SRGAP2B: variants seen among roughly 807,000 people sequenced by gnomAD.
The protein encoded by SRGAP2B is SLIT-ROBO Rho GTPase-activating protein 2B.
Under a neutral mutation model 22.2 loss-of-function variants are expected in SRGAP2B, and 9 were observed. The observed-to-expected ratio is 0.41, with a 90% CI of 0.24 to 0.71. SRGAP2B has a LOEUF of 0.71. SRGAP2B is among the 30% of genes least tolerant of loss of function. SRGAP2B has a pLI of 0.35. For missense variants in SRGAP2B, 114 were observed against 235.8 expected, an observed-to-expected ratio of 0.48 and a Z score of 3.38; for synonymous variants, 36 against 87.4, an observed-to-expected ratio of 0.41 and a Z score of 3.28.
rs1227178447 is a variant in SRGAP2B, at chr1:145,021,912, G to C, written c.68-26712C>G. Among the ~76,000 whole-genome samples the C allele has an allele frequency of 4.2e-5, 6 of 142,556 alleles. No homozygotes were observed. The East Asian group carries it at 1.2e-3, about 30-fold the overall frequency. 93.5% of individuals were successfully genotyped at this position (142,556 alleles called of 152,430 possible). A position where few individuals can be genotyped will look rare whatever the true frequency, so the allele number is the denominator to read the frequency against. On this transcript the variant is annotated intron_variant, in intron 2 of 9. Coordinates refer to ENST00000612199, the Ensembl canonical transcript of SRGAP2B. ...CAATCCTGGAACTTCAACAGGACTA[G>C]GCAGCAAATACTCAGCTGCTGTGCA...
At chr1:144,942,670 T>C in intron 4 of SRGAP2B, among the ~76,000 whole-genome samples, 1 of 151,030 alleles carries the variant, frequency 6.6e-6, no homozygotes, top group Non-Finnish European at 1.5e-5. Flanking sequence ...TCCACCTGCC[T>C]CCACCTCCCA....
At chr1:144,987,921 G>A (rs1221406134) in intron 3 of SRGAP2B, among the ~76,000 whole-genome samples, 3 of 151,020 alleles carry the variant, frequency 2.0e-5, no homozygotes, top group Non-Finnish European at 4.4e-5. Flanking sequence ...GATAAGGGCA[G>A]AACTCATCAG....
At chr1:144,969,058 G>GCCATA (rs1668299475) in intron 3 of SRGAP2B, among the ~76,000 whole-genome samples, 1 of 15,452 alleles carries the variant, frequency 6.5e-5, no homozygotes, top group African/African-American at 3.2e-4. Flanking sequence ...CGTGAAAATG[G>GCCATA]CCATACTGCC....
chr1:145,058,687 G>A (rs6677733), intron 2 of SRGAP2B, among the ~76,000 whole-genome samples: 1 of 84,054 alleles, frequency 1.2e-5, no homozygotes, highest in African/African-American at 5.1e-5. Flanking sequence ...GCAATGGTGC[G>A]ATCTCAGCTC....
At chr1:145,081,092 T>C (rs1212663470) in intron 2 of SRGAP2B, among the ~76,000 whole-genome samples, 1 of 149,436 alleles carries the variant, frequency 6.7e-6, no homozygotes, top group Non-Finnish European at 1.5e-5. Flanking sequence ...TCAACTGAAT[T>C]CTTTCATTTC....
chr1:144,944,586 CAAAAAAAAAAAAA>C, intron 4 of SRGAP2B, among the ~76,000 whole-genome samples: 1 of 17,922 alleles, frequency 5.6e-5, no homozygotes, highest in Middle Eastern at 0.029. Context: ...GTCTCCATCT[CAAAAAAAAAAAAA>C]AAAAAAAAAA....
intron 4 of SRGAP2B, among the ~76,000 whole-genome samples, chr1:144,925,177 T>C (rs1664570760): frequency 6.7e-6 from 1 of 150,088 alleles, no homozygotes; most frequent in Admixed American, 6.6e-5. Flanking sequence ...TAATTTTTTG[T>C]ATTTTAGTAA....
chr1:144,956,789 A>G (rs1553610413), intron 3 of SRGAP2B, among the ~76,000 whole-genome samples: 1 of 149,616 alleles, frequency 6.7e-6, no homozygotes, highest in East Asian at 2.0e-4. Context: ...ATCCAAAAGA[A>G]TTATTGATTA....
intron 2 of SRGAP2B, among the ~76,000 whole-genome samples, chr1:145,031,772 G>A (rs1473842109): frequency 1.3e-4 from 19 of 144,088 alleles, no homozygotes; most frequent in African/African-American, 3.1e-4. Context: ...GCGTGAACCC[G>A]GGAGGCGGAG....
intron 2 of SRGAP2B, among the ~76,000 whole-genome samples, chr1:145,006,643 A>T (rs1553621124): frequency 1.3e-5 from 2 of 150,716 alleles, no homozygotes; most frequent in Non-Finnish European, 2.9e-5. Context: ...AACTCAATAT[A>T]CATGTGAAGT....
intron 2 of SRGAP2B, among the ~76,000 whole-genome samples, chr1:145,011,476 T>C (rs1456305827): frequency 6.6e-6 from 1 of 150,680 alleles, no homozygotes; most frequent in Non-Finnish European, 1.5e-5. Context: ...CATTCCCTCA[T>C]AGCCATCTAA....
chr1:145,061,564 G>C (rs1346564068), intron 2 of SRGAP2B, among the ~76,000 whole-genome samples: 2 of 149,296 alleles, frequency 1.3e-5, no homozygotes, highest in East Asian at 3.9e-4. Flanking sequence ...CACATAAAAA[G>C]ATTTGTGAAT....
chr1:144,974,355 T>TGAG (rs1668748350), intron 3 of SRGAP2B, among the ~76,000 whole-genome samples: 1 of 135,012 alleles, frequency 7.4e-6, no homozygotes, highest in Non-Finnish European at 1.6e-5. Flanking sequence ...CAGTAATTTG[T>TGAG]TTTCATGCAG....
chr1:144,970,795 T>A (rs1189552807), intron 3 of SRGAP2B, among the ~76,000 whole-genome samples: 4 of 149,744 alleles, frequency 2.7e-5, no homozygotes, highest in Non-Finnish European at 4.4e-5. Context: ...AATAAATAAA[T>A]AAAAAATAAA....
intron 3 of SRGAP2B, among the ~76,000 whole-genome samples, chr1:144,967,237 G>A (rs1668154576): frequency 8.1e-6 from 1 of 123,790 alleles, no homozygotes; most frequent in South Asian, 2.9e-4. Context: ...CCACGTAGTT[G>A]GAAGTAAAGC....
intron 2 of SRGAP2B, among the ~76,000 whole-genome samples, chr1:145,062,745 T>C (rs1390195280): frequency 6.7e-6 from 1 of 148,884 alleles, no homozygotes; most frequent in African/African-American, 2.5e-5. Context: ...TCAGTGGAAT[T>C]TGAGTCACCT....
At chr1:144,964,532 T>A (rs1362381791) in intron 3 of SRGAP2B, among the ~76,000 whole-genome samples, 1 of 150,686 alleles carries the variant, frequency 6.6e-6, no homozygotes. Context: ...GGCTGAGTGG[T>A]ATAAGAGAAG....
At chr1:144,894,076 G>A (rs1326390188) in intron 8 of SRGAP2B, among the ~76,000 whole-genome samples, 4 of 142,894 alleles carry the variant, frequency 2.8e-5, no homozygotes, top group Non-Finnish European at 6.0e-5. Context: ...AAGGAGCTTG[G>A]CATTTTCCAA....
At position 144,920,568 on chromosome 1, in the gene SRGAP2B, A is replaced by T. The variant is rs1312919864; in HGVS notation, c.424-5814T>A. Among the ~76,000 whole-genome samples, 27 of 149,408 alleles carry T rather than the reference A, an allele frequency of 1.8e-4. 2 individuals are homozygous for T. Among genetic ancestry groups the T allele is most frequent in the African/African-American group, 2.8e-4 (11 of 39,440 alleles). ...TAACAGGCATGCTTGGCTAATTTTTAAAAAAATTGTTTTCAGATATGGAGT... is the reference window on the plus strand; with the variant it reads ...TAACAGGCATGCTTGGCTAATTTTTTAAAAAATTGTTTTCAGATATGGAGT... On this transcript the variant is annotated intron_variant, in intron 4 of 9. Transcript: ENST00000612199.
Sources: allele counts gnomAD v4.1 joint callset (sites outside exome capture counted in the v4.1 genomes callset), GRCh38; gene constraint gnomAD v4.1.1; transcripts MANE v1.5; gene names NCBI Gene and HGNC (gene_info 2026-07-23, HGNC 2026-07-21).